MED12L: variants seen among roughly 807,000 people sequenced by gnomAD.
The protein encoded by MED12L is mediator complex subunit 12L.
In MED12L, 60 loss-of-function variants were observed where a neutral mutation model predicts 281.3. The ratio of observed to expected loss-of-function variants is 0.21; its 90% CI spans 0.17 to 0.26. The LOEUF is 0.26. Among genes scored for constraint, MED12L ranks in the 10% least tolerant of loss-of-function variants. The pLI, the probability that MED12L is intolerant of heterozygous loss-of-function variation, is 1.00. For missense variants in MED12L, 2,146 were observed against 2,680.9 expected, an observed-to-expected ratio of 0.80 and a Z score of 4.41; for synonymous variants, 974 against 987.2, an observed-to-expected ratio of 0.99 and a Z score of 0.25.
chr3:151,376,333 C>A (rs2108065899), intron 28 of MED12L, 119 bp downstream of exon 28: 4 of 808,610 alleles, frequency 4.9e-6, no homozygotes, highest in Middle Eastern at 5.7e-4. Flanking sequence ...GATTTTTATT[C>A]CCACACATTT....
At chr3:151,113,734 A>G (rs1186606502) in intron 2 of MED12L, among the ~76,000 whole-genome samples, 1 of 152,232 alleles carries the variant, frequency 6.6e-6, no homozygotes, top group African/African-American at 2.4e-5. Flanking sequence ...GATGACAGAT[A>G]TGTATCCATT....
intron 2 of MED12L, among the ~76,000 whole-genome samples, chr3:151,095,103 T>C (rs947940055): frequency 2.6e-5 from 4 of 152,214 alleles, no homozygotes; most frequent in Admixed American, 2.6e-4. Flanking sequence ...ATATCTGATA[T>C]ATAGAGCATT....
intron 16 of MED12L, among the ~76,000 whole-genome samples, chr3:151,335,866 A>G (rs1750916568): frequency 6.6e-6 from 1 of 152,192 alleles, no homozygotes; most frequent in African/African-American, 2.4e-5. Flanking sequence ...AGGTAATTTC[A>G]AATACTTTCA....
intron 2 of MED12L, among the ~76,000 whole-genome samples, chr3:151,092,286 CTG>C: frequency 6.6e-6 from 1 of 152,342 alleles, no homozygotes; most frequent in South Asian, 2.1e-4. Flanking sequence ...GTTCATTTCC[CTG>C]AGTTAATATG....
intron 16 of MED12L, among the ~76,000 whole-genome samples, chr3:151,234,560 A>G (rs531902334): frequency 2.0e-5 from 3 of 152,350 alleles, no homozygotes; most frequent in Admixed American, 2.0e-4. Context: ...TAGGTGCTGT[A>G]TAAACTTTCT....
At chr3:151,312,941 T>C (rs1239767450) in intron 16 of MED12L, among the ~76,000 whole-genome samples, 1 of 152,234 alleles carries the variant, frequency 6.6e-6, no homozygotes, top group African/African-American at 2.4e-5. Flanking sequence ...ATTGACATGC[T>C]ACTTGAGTGG....
rs183942203 is a variant in MED12L, at chr3:151,434,167, A to G, written c.*1363A>G. On this transcript the variant is annotated 3_prime_UTR_variant, in exon 45 of 45. Transcript: ENST00000687756. ...TTTGCCATATGATTTTACATATAAT[A>G]TAGTCAAGCATACTGTGAATAGACT... The G allele has an allele frequency of 1.3e-5, 2 of 152,352 alleles. No individual in the cohort carries two copies. Among genetic ancestry groups the G allele is most frequent in the Admixed American group, 6.5e-5 (1 of 15,298 alleles). The allele number at this position is 152,352 out of a possible 1,614,324, so 9.4% of individuals were successfully genotyped here.
At chr3:151,206,642 CTT>C (rs747558778) in intron 16 of MED12L, among the ~76,000 whole-genome samples, 6 of 70,328 alleles carry the variant, frequency 8.5e-5, no homozygotes, top group African/African-American at 1.8e-4. Flanking sequence ...AACACATTAT[CTT>C]TTTTTTTTTT....
At chr3:151,228,975 T>C (rs1043685389) in intron 16 of MED12L, among the ~76,000 whole-genome samples, 1 of 152,208 alleles carries the variant, frequency 6.6e-6, no homozygotes, top group African/African-American at 2.4e-5. Flanking sequence ...GATCTGCAGA[T>C]CATGGGGCTG....
At chr3:151,179,419 G>A (rs1173317504) in intron 11 of MED12L, among the ~76,000 whole-genome samples, 1 of 152,142 alleles carries the variant, frequency 6.6e-6, no homozygotes, top group African/African-American at 2.4e-5. Flanking sequence ...CATCTGAAAT[G>A]TTTTACAGGA....
chr3:151,425,308 A>G (rs765863616), intron 43 of MED12L: 7 of 173,976 alleles, frequency 4.0e-5, no homozygotes, highest in African/African-American at 9.5e-5. Flanking sequence ...ATTTTTGCCT[A>G]TGCTGTGATT....
intron 16 of MED12L, among the ~76,000 whole-genome samples, chr3:151,236,203 C>T (rs569336125): frequency 1.3e-5 from 2 of 152,296 alleles, no homozygotes; most frequent in East Asian, 3.9e-4. Flanking sequence ...TCAGAATGAA[C>T]TTACTTATAC....
chr3:151,088,828 A>G (rs1219101419), intron 2 of MED12L, among the ~76,000 whole-genome samples: 2 of 152,238 alleles, frequency 1.3e-5, no homozygotes, highest in Non-Finnish European at 2.9e-5. Context: ...CCACCAAACC[A>G]GTATTTATGT....
chr3:151,246,695 C>G (rs1735580100), intron 16 of MED12L, among the ~76,000 whole-genome samples: 1 of 152,204 alleles, frequency 6.6e-6, no homozygotes, highest in African/African-American at 2.4e-5. Context: ...CATTACCATT[C>G]AGGACATAGG....
intron 16 of MED12L, among the ~76,000 whole-genome samples, chr3:151,291,080 G>A (rs1378441085): frequency 6.7e-6 from 1 of 150,350 alleles, no homozygotes; most frequent in Non-Finnish European, 1.5e-5. Context: ...GGCTTCTTGT[G>A]GTGCTTAGTC....
At chr3:151,427,777 AG>A (rs1320062885) in intron 43 of MED12L, among the ~76,000 whole-genome samples, 6 of 152,234 alleles carry the variant, frequency 3.9e-5, no homozygotes, top group African/African-American at 1.2e-4. Context: ...TTTAGACAGG[AG>A]GAATAAGTTT....
intron 16 of MED12L, chr3:151,269,446 T>G: frequency 1.2e-5 from 2 of 173,372 alleles, no homozygotes; most frequent in African/African-American, 4.6e-5. Flanking sequence ...CACACAAAAT[T>G]CAGAGACTTA....
intron 8 of MED12L, among the ~76,000 whole-genome samples, chr3:151,161,386 C>A (rs1475768166): frequency 6.6e-6 from 1 of 152,074 alleles, no homozygotes; most frequent in Non-Finnish European, 1.5e-5. Flanking sequence ...TGTTCAAAAA[C>A]CCAAGAGGGA....
chr3:151,160,797 G>A (rs1719884712), intron 8 of MED12L, among the ~76,000 whole-genome samples: 1 of 152,192 alleles, frequency 6.6e-6, no homozygotes, highest in Non-Finnish European at 1.5e-5. Flanking sequence ...GGCTGTTGGG[G>A]AGATACACAG....
Sources: allele counts gnomAD v4.1 joint callset (sites outside exome capture counted in the v4.1 genomes callset), GRCh38; gene constraint gnomAD v4.1.1; transcripts MANE v1.5; gene names NCBI Gene and HGNC (gene_info 2026-07-23, HGNC 2026-07-21).